Variants in CCP110 observed in about 807,000 individuals in gnomAD.
CCP110 encodes the protein centriolar coiled-coil protein 110.
In CCP110, 43 loss-of-function variants were observed where a neutral mutation model predicts 105.5. That is an observed-to-expected ratio of 0.41 (90% CI 0.32 to 0.53). The LOEUF (loss-of-function observed/expected upper bound fraction) is 0.53, where lower values mean the gene tolerates loss of function less well. Among genes scored for constraint, CCP110 ranks in the 20% least tolerant of loss-of-function variants. The probability of loss-of-function intolerance (pLI) is 0.32; values close to 1 mark genes in which losing one functional copy is unlikely to be tolerated. For missense variants in CCP110, 1,016 were observed against 1,189.1 expected (o/e 0.85, Z 2.14); for synonymous variants, 353 against 392.1 (o/e 0.90, Z 1.18).
In CCP110 at chr16:19,545,908, T is replaced by C. The variant is rs1403577981; in HGVS notation, c.2777+18T>C. The stretch of plus-strand genomic sequence containing the variant: ...TACATGAAGTAAGTTTTTTGTATCA[T>C]GTCATGTTAGTTATCAAACCAATTA... On this transcript the variant is annotated intron_variant, in intron 11 of 14. Coordinates refer to ENST00000381396, the Ensembl canonical transcript of CCP110. 2.1e-6 allele frequency: 3 copies of C among 1,451,222 alleles called. No homozygotes were observed. Among genetic ancestry groups the C allele is most frequent in the African/African-American group, 2.8e-5 (2 of 71,664 alleles). 89.9% of individuals were successfully genotyped at this position (1,451,222 alleles called of 1,614,324 possible). A position where few individuals can be genotyped will look rare whatever the true frequency, so the allele number is the denominator to read the frequency against.
chr16:19,525,944 T>A (rs55882221), intron 1 of CCP110: 7,181 of 152,714 alleles, frequency 0.047, 210 homozygotes, highest in African/African-American at 0.078. Flanking sequence ...TCATCAGGGA[T>A]GCCTTCTCTG....
chr16:19,531,471 C>T (rs1969864273), intron 2 of CCP110, among the ~76,000 whole-genome samples: 1 of 152,118 alleles, frequency 6.6e-6, no homozygotes, highest in South Asian at 2.1e-4. Flanking sequence ...TAGAAGCCTT[C>T]CATTTTTTAG....
chr16:19,550,273 T>C (rs1032721119), intron 14 of CCP110, among the ~76,000 whole-genome samples: 2 of 151,960 alleles, frequency 1.3e-5, no homozygotes, highest in Non-Finnish European at 2.9e-5. Flanking sequence ...TGCCTGAGCC[T>C]CCCAAGTAGC....
intron 1 of CCP110, 57 bp from the exon 2 acceptor site, chr16:19,527,810 A>G (rs1238089028): frequency 1.4e-6 from 2 of 1,445,754 alleles, no homozygotes; most frequent in African/African-American, 1.4e-5. Flanking sequence ...AAATCTGCCA[A>G]ATAATTAAGA....
chr16:19,532,842 T>C (rs1427662665), intron 3 of CCP110, among the ~76,000 whole-genome samples: 2 of 152,218 alleles, frequency 1.3e-5, no homozygotes, highest in Admixed American at 1.3e-4. Context: ...AGTGACAAAA[T>C]GACAGAATTG....
intron 5 of CCP110, 87 bp from the exon 6 acceptor site, chr16:19,541,800 C>G: frequency 1.6e-6 from 1 of 624,196 alleles, no homozygotes; most frequent in Non-Finnish European, 2.6e-6. Flanking sequence ...CTGATAATTA[C>G]ATGTACTTTT....
intron 8 of CCP110, among the ~76,000 whole-genome samples, chr16:19,544,231 G>C (rs576701988): frequency 3.8e-4 from 58 of 152,220 alleles, no homozygotes; most frequent in African/African-American, 1.3e-3. Context: ...TTGGGGGCTG[G>C]TCCCCCCAAT....
At chr16:19,547,910 G>C in intron 12 of CCP110, 45 bp from the exon 13 acceptor site, 1 of 1,337,416 alleles carries the variant, frequency 7.5e-7, no homozygotes. Context: ...GGGAAAAAAT[G>C]GAATTTAACC....
exon 2 of CCP110, chr16:19,528,015 C>T: frequency 1.2e-6 from 2 of 1,605,582 alleles, no homozygotes; most frequent in South Asian, 1.1e-5. Context: ...GCTATCCTTT[C>T]TCCACTGGTA....
chr16:19,542,790 T>C, intron 7 of CCP110, 30 bp downstream of exon 7: 1 of 1,589,742 alleles, frequency 6.3e-7, no homozygotes, highest in Non-Finnish European at 8.6e-7. Context: ...CATGTCCATC[T>C]ATCTATTTAT....
At chr16:19,549,572 G>A (rs890535216) in intron 14 of CCP110, among the ~76,000 whole-genome samples, 18 of 152,186 alleles carry the variant, frequency 1.2e-4, no homozygotes, top group African/African-American at 4.3e-4. Flanking sequence ...ATCATTGTGA[G>A]TGACAGTTAA....
At chr16:19,541,590 C>T (rs1261876343) in intron 5 of CCP110, among the ~76,000 whole-genome samples, 2 of 151,476 alleles carry the variant, frequency 1.3e-5, no homozygotes, top group Non-Finnish European at 2.9e-5. Context: ...CGTGCCACTG[C>T]ACTCCAGCCT....
chr16:19,549,655 A>G (rs573631543), intron 14 of CCP110, among the ~76,000 whole-genome samples: 46 of 152,258 alleles, frequency 3.0e-4, no homozygotes, highest in Non-Finnish European at 5.9e-4. Context: ...AGCTAGTTTG[A>G]AAGATAACCA....
At chr16:19,532,722 T>TGTTA (rs1441417090) in intron 3 of CCP110, among the ~76,000 whole-genome samples, 178 bp downstream of exon 3, 2 of 152,246 alleles carry the variant, frequency 1.3e-5, no homozygotes, top group East Asian at 3.8e-4. Context: ...TGTACTTGCT[T>TGTTA]GTTAGTAATG....
chr16:19,537,687 G>T, intron 4 of CCP110, 100 bp downstream of exon 4: 2 of 629,082 alleles, frequency 3.2e-6, no homozygotes, highest in Non-Finnish European at 2.7e-6. Flanking sequence ...TTATTCATAT[G>T]GGCACTTAAT....
At chr16:19,544,148 T>C (rs1970382957) in intron 8 of CCP110, among the ~76,000 whole-genome samples, 1 of 152,162 alleles carries the variant, frequency 6.6e-6, no homozygotes, top group Non-Finnish European at 1.5e-5. Context: ...AAAATTCCTC[T>C]CTTTGTACTC....
chr16:19,536,711 G>A lies in CCP110; in HGVS notation c.1042G>A (p.Val348Ile). The change falls in exon 4 of 15, where the codon GTT (valine) becomes ATT (isoleucine). Residue 348 changes from valine to isoleucine, a missense_variant. Transcript: ENST00000381396. ...TGATTTTAAAGTTATTCCCACTTTT[G>A]TTACCGAAAATAATGTTATCAAAAG... 6.2e-7 allele frequency: 1 copy of A among 1,614,084 alleles called. No homozygotes were observed. The highest frequency in any genetic ancestry group is 2.2e-5 in the East Asian group (1 of 44,880).
exon 15 of CCP110, chr16:19,551,839 A>G (rs1408942584): frequency 6.6e-6 from 1 of 152,284 alleles, no homozygotes; most frequent in Non-Finnish European, 1.5e-5. Flanking sequence ...AGAAGCATAC[A>G]TTCCTGTCAG....
rs373020595 is a variant in CCP110 at position 19,548,031 on chromosome 16, C to T, written c.2900+17C>T. ...TAGACAAGGGTAAGAATGCCACACA[C>T]GGGTATTGAAAACTACGGAAACCAA... On this transcript the variant is annotated intron_variant, in intron 13 of 14. Coordinates refer to ENST00000381396, the Ensembl canonical transcript of CCP110. This position sits in a 1 kb window ranked among gnomAD's most constrained non-coding sequence, Gnocchi z 4.1. 167 of 1,565,970 alleles carry T rather than the reference C, an allele frequency of 1.1e-4. No homozygotes were observed. The highest frequency in any genetic ancestry group is 1.3e-4 in the South Asian group (12 of 89,570).
Sources: gnomAD v4.1 joint callset for allele counts (sites outside exome capture counted in the v4.1 genomes callset) on GRCh38, gnomAD v4.1.1 for gene constraint, Gnocchi (gnomAD v3.1) non-coding constraint, MANE v1.5 for transcripts, NCBI Gene and HGNC (gene_info 2026-07-23, HGNC 2026-07-21) for gene names.